SGSM1: variants seen among roughly 807,000 people sequenced by gnomAD.
SGSM1 encodes the protein small G protein signaling modulator 1, also known as RUN and TBC1 domain containing 2.
Under a neutral mutation model 133.8 loss-of-function variants are expected in SGSM1, and 73 were observed. The ratio of observed to expected loss-of-function variants is 0.55; its 90% CI spans 0.45 to 0.66. The LOEUF (loss-of-function observed/expected upper bound fraction) is 0.66, where lower values mean the gene tolerates loss of function less well. Among genes scored for constraint, SGSM1 ranks in the 30% least tolerant of loss-of-function variants. The pLI is 0.00. For synonymous variants in SGSM1, 563 were observed against 573.0 expected (o/e 0.98, Z 0.25); for missense variants, 1,213 against 1,448.1 (o/e 0.84, Z 2.64).
At chr22:24,860,368 G>A (rs1411630823) in intron 9 of SGSM1, among the ~76,000 whole-genome samples, 2 of 152,172 alleles carry the variant, frequency 1.3e-5, no homozygotes, top group African/African-American at 4.8e-5. Context: ...GAGGAACAAA[G>A]AAAGCCATGG....
At chr22:24,914,502 A>G (rs56165254) in intron 22 of SGSM1, among the ~76,000 whole-genome samples, 1,724 of 151,208 alleles carry the variant, frequency 0.011, 18 homozygotes, top group Non-Finnish European at 0.019. Context: ...TTAACCATAG[A>G]TTTTTCATTA....
At chr22:24,835,137 T>G (rs1292399383) in intron 2 of SGSM1, among the ~76,000 whole-genome samples, 1 of 152,196 alleles carries the variant, frequency 6.6e-6, no homozygotes, top group Non-Finnish European at 1.5e-5. Flanking sequence ...TTGCTGTTTC[T>G]TCTTAACTTG....
chr22:24,820,531 A>G (rs1928408509), intron 2 of SGSM1, among the ~76,000 whole-genome samples: 1 of 152,160 alleles, frequency 6.6e-6, no homozygotes, highest in Non-Finnish European at 1.5e-5. Context: ...AATTTTTCTA[A>G]TACTCTAAAG....
rs747181833 is a variant in SGSM1, at chr22:24,868,776, C to T, written c.1212C>T (p.Ser404=). Residue 404 remains serine (S), a synonymous_variant, in exon 12 of 25, where the codon TCC becomes TCT. Coordinates refer to ENST00000400358, the MANE Select transcript of SGSM1 (RefSeq NM_001098497.3). ...GAAGCCCTCAGGGTTCTGCCGAGTC[C>T]ACATCTTCAGACAAAGATGATGATG... The part of the protein sequence containing the change: ...RKRSPQGSAE[S]TSSDKDDDEA... The T allele has an allele frequency of 3.7e-6, 6 of 1,613,998 alleles. No homozygotes were observed. In the East Asian group the frequency reaches 1.1e-4, roughly 30 times the overall value.
At chr22:24,834,984 C>G (rs1409827416) in intron 2 of SGSM1, among the ~76,000 whole-genome samples, 2 of 152,126 alleles carry the variant, frequency 1.3e-5, no homozygotes, top group Non-Finnish European at 2.9e-5. Flanking sequence ...GCTTTGCAAA[C>G]TGCGACTCAC....
At chr22:24,844,771 G>T in intron 2 of SGSM1, 126 bp from the exon 3 acceptor site, 1 of 684,324 alleles carries the variant, frequency 1.5e-6, no homozygotes, top group South Asian at 2.1e-5. Flanking sequence ...AGGAAAGCAG[G>T]TGTCAAAACA....
chr22:24,919,803 C>T, intron 23 of SGSM1, 23 bp from the exon 24 acceptor site: 1 of 1,613,354 alleles, frequency 6.2e-7, no homozygotes, highest in Non-Finnish European at 8.5e-7. Context: ...ATTCTCTCCC[C>T]ATGTGTGTTG....
At chr22:24,898,747 G>A (rs1482225698) in intron 19 of SGSM1, among the ~76,000 whole-genome samples, 188 bp downstream of exon 19, 1 of 152,090 alleles carries the variant, frequency 6.6e-6, no homozygotes, top group African/African-American at 2.4e-5. Flanking sequence ...AAAAAGGGGG[G>A]CTGGGCACTG....
intron 2 of SGSM1, among the ~76,000 whole-genome samples, chr22:24,833,281 AC>A (rs202095861): frequency 0.012 from 1,784 of 151,934 alleles, 39 homozygotes; most frequent in African/African-American, 0.041. Flanking sequence ...ATTAGGACCC[AC>A]CCTAATGACC....
At chr22:24,836,717 A>G (rs1253213436) in intron 2 of SGSM1, among the ~76,000 whole-genome samples, 1 of 152,080 alleles carries the variant, frequency 6.6e-6, no homozygotes, top group Non-Finnish European at 1.5e-5. Context: ...CTTGTTCGTC[A>G]TTTGCACATC....
intron 15 of SGSM1, among the ~76,000 whole-genome samples, chr22:24,885,063 C>T (rs1163071920): frequency 6.6e-6 from 1 of 151,568 alleles, no homozygotes; most frequent in Admixed American, 6.6e-5. Flanking sequence ...AATTCTCCTG[C>T]CTCAGCCTCC....
rs3062177 is a variant in SGSM1, at chr22:24,856,014, T to TATCC, written c.801+359_801+362dup. The TATCC allele has an allele frequency of 9.0e-3, 4,180 of 462,470 alleles. 120 individuals are homozygous for TATCC. The highest frequency in any genetic ancestry group is 0.072 in the African/African-American group (3,648 of 50,658). 28.6% of individuals were successfully genotyped at this position (462,470 alleles called of 1,614,324 possible). A position where few individuals can be genotyped will look rare whatever the true frequency, so the allele number is the denominator to read the frequency against. ...TCACCCATCCACCCATCTTTACATCTATCCATCCATCCATCCATCCATCCA... is the reference window on the plus strand; with the variant it reads ...TCACCCATCCACCCATCTTTACATCTATCCATCCATCCATCCATCCATCCATCCA... On this transcript the variant is annotated intron_variant, in intron 8 of 24. Transcript: ENST00000400358.
At chr22:24,824,603 ACAAT>A (rs1173270767) in intron 2 of SGSM1, among the ~76,000 whole-genome samples, 1 of 47,498 alleles carries the variant, frequency 2.1e-5, no homozygotes, top group East Asian at 2.1e-3. Context: ...TCTCCCTGAT[ACAAT>A]GTCCTTAATC....
At chr22:24,825,566 A>G (rs1231649885) in intron 2 of SGSM1, among the ~76,000 whole-genome samples, 1 of 152,046 alleles carries the variant, frequency 6.6e-6, no homozygotes, top group Non-Finnish European at 1.5e-5. Flanking sequence ...AGTAGCTGGG[A>G]TTACAGGCAT....
At position 24,901,864 on chromosome 22, in the gene SGSM1, T is replaced by C; in HGVS notation, c.2642T>C (p.Leu881Pro). 1 of 1,612,644 alleles carries C rather than the reference T, an allele frequency of 6.2e-7. No individual in the cohort carries two copies. Among genetic ancestry groups the C allele is most frequent in the Non-Finnish European group, 8.5e-7 (1 of 1,179,454 alleles). ...CTGCTGGATCTGTACACGGTGAACC[T>C]GCACCGCATCGAGAAGGATGTGCAG... ...PELLDLYTVN[L>P]HRIEKDVQRC... The change falls in exon 20 of 25, where the codon CTG becomes CCG. Residue 881 changes from leucine (L) to proline (P), a missense_variant. Coordinates refer to ENST00000400358, the MANE Select transcript of SGSM1 (RefSeq NM_001098497.3).
chr22:24,896,047 TCA>T (rs1293383152), intron 18 of SGSM1, among the ~76,000 whole-genome samples: 1 of 152,132 alleles, frequency 6.6e-6, no homozygotes, highest in Non-Finnish European at 1.5e-5. Context: ...AAACCCTGTC[TCA>T]CACACACGCA....
At chr22:24,910,385 G>T (rs1161534517) in intron 21 of SGSM1, among the ~76,000 whole-genome samples, 1 of 152,138 alleles carries the variant, frequency 6.6e-6, no homozygotes, top group African/African-American at 2.4e-5. Flanking sequence ...TGGGTGCAAT[G>T]GCTCACACCT....
At position 24,834,392 on chromosome 22, in the gene SGSM1, T is replaced by A. The variant is rs117616763; in HGVS notation, c.64-10505T>A. ...CCAGCCTTCCACTGGTTTTTGTGAA[T>A]AAAGTTTTATTGGGACACAGCCATG... On this transcript the variant is annotated intron_variant, in intron 2 of 24. Transcript: ENST00000400358. 6.1e-3 allele frequency among the ~76,000 whole-genome samples: 933 copies of A among 152,356 alleles called. 21 individuals are homozygous for A. Among genetic ancestry groups the A allele is most frequent in the East Asian group, 0.061 (317 of 5,190 alleles).
intron 2 of SGSM1, among the ~76,000 whole-genome samples, chr22:24,816,261 C>T (rs57881164): frequency 6.6e-6 from 1 of 152,176 alleles, no homozygotes. Flanking sequence ...TGAACCAGGA[C>T]TACAGAGCTG....
Sources: gnomAD v4.1 joint callset for allele counts (sites outside exome capture counted in the v4.1 genomes callset) on GRCh38, gnomAD v4.1.1 for gene constraint, MANE v1.5 for transcripts, NCBI Gene and HGNC (gene_info 2026-07-23, HGNC 2026-07-21) for gene names.